SYN3: variants seen among roughly 807,000 people sequenced by gnomAD.
SYN3 encodes the protein synapsin-3.
A neutral mutation model predicts 65.8 loss-of-function variants in SYN3; 35 were observed. The observed-to-expected ratio is 0.53, with a 90% CI of 0.41 to 0.70. The LOEUF (loss-of-function observed/expected upper bound fraction) is 0.70. Ranked by LOEUF, SYN3 falls within the 30% of genes least tolerant of loss-of-function variation. The probability of loss-of-function intolerance (pLI) is 0.00; values close to 1 mark genes in which losing one functional copy is unlikely to be tolerated. For synonymous variants in SYN3, 270 were observed against 292.9 expected, an observed-to-expected ratio of 0.92 and a Z score of 0.80; for missense variants, 680 against 749.0, an observed-to-expected ratio of 0.91 and a Z score of 1.08.
chr22:32,942,422 C>T (rs552638889), intron 3 of SYN3, among the ~76,000 whole-genome samples: 3 of 152,338 alleles, frequency 2.0e-5, no homozygotes, highest in African/African-American at 7.2e-5. Context: ...ACAGAAAGGA[C>T]ATCCACAACA....
intron 7 of SYN3, among the ~76,000 whole-genome samples, chr22:32,542,521 C>T (rs11705368): frequency 0.14 from 20,855 of 146,176 alleles, 1,729 homozygotes; most frequent in African/African-American, 0.25. Flanking sequence ...GTGTAGTATG[C>T]GGTGCTTCTG....
intron 7 of SYN3, among the ~76,000 whole-genome samples, chr22:32,566,130 A>C (rs2058669377): frequency 6.6e-6 from 1 of 152,260 alleles, no homozygotes; most frequent in South Asian, 2.1e-4. Flanking sequence ...GGTGTGAGCC[A>C]CTGCACCTGG....
chr22:32,641,947 A>G (rs952709551), intron 6 of SYN3, among the ~76,000 whole-genome samples: 1 of 152,084 alleles, frequency 6.6e-6, no homozygotes, highest in Non-Finnish European at 1.5e-5. Flanking sequence ...GGAAACTCCC[A>G]TATTTCTAGA....
At chr22:33,032,804 C>T (rs550399387) in intron 1 of SYN3, among the ~76,000 whole-genome samples, 4 of 152,244 alleles carry the variant, frequency 2.6e-5, no homozygotes, top group African/African-American at 9.6e-5. Context: ...TTTGTAAGCA[C>T]CCCAACACCA....
At chr22:32,548,012 G>A (rs1484129115) in intron 7 of SYN3, among the ~76,000 whole-genome samples, 1 of 152,186 alleles carries the variant, frequency 6.6e-6, no homozygotes, top group Admixed American at 6.5e-5. Flanking sequence ...GTGTGCACAA[G>A]TCATTCTTTC....
At chr22:32,653,524 G>T (rs2060101820) in intron 6 of SYN3, among the ~76,000 whole-genome samples, 1 of 152,204 alleles carries the variant, frequency 6.6e-6, no homozygotes, top group Admixed American at 6.5e-5. Context: ...CAAACCCAGA[G>T]TCCTTTATGG....
intron 6 of SYN3, among the ~76,000 whole-genome samples, chr22:32,660,550 T>A (rs1198622522): frequency 1.3e-5 from 2 of 152,228 alleles, no homozygotes; most frequent in African/African-American, 4.8e-5. Flanking sequence ...TGGAAAGTTC[T>A]GGGGTTAAGG....
intron 6 of SYN3, among the ~76,000 whole-genome samples, chr22:32,735,987 G>A (rs2061332635): frequency 1.3e-5 from 2 of 152,230 alleles, no homozygotes; most frequent in South Asian, 4.1e-4. Flanking sequence ...TATTTGGTGG[G>A]GAGAGGAGGG....
At chr22:32,686,442 T>C (rs1262485666) in intron 6 of SYN3, among the ~76,000 whole-genome samples, 1 of 151,754 alleles carries the variant, frequency 6.6e-6, no homozygotes, top group Non-Finnish European at 1.5e-5. Flanking sequence ...TATGGGGATT[T>C]ACCACACTGA....
intron 6 of SYN3, among the ~76,000 whole-genome samples, chr22:32,747,472 G>A (rs1013387996): frequency 6.6e-6 from 1 of 152,134 alleles, no homozygotes; most frequent in African/African-American, 2.4e-5. Flanking sequence ...TGGGACACCG[G>A]TAAAGTGCTT....
At chr22:32,683,988 T>C (rs2060557306) in intron 6 of SYN3, among the ~76,000 whole-genome samples, 1 of 152,190 alleles carries the variant, frequency 6.6e-6, no homozygotes. Context: ...TTTTGCTGCA[T>C]TCGTGGACTT....
chr22:32,636,215 C>T (rs982131422), intron 6 of SYN3, among the ~76,000 whole-genome samples: 1 of 151,944 alleles, frequency 6.6e-6, no homozygotes, highest in Non-Finnish European at 1.5e-5. Flanking sequence ...TCCTGGCTAA[C>T]ACAGTGAAAC....
chr22:32,519,318 T>TG (rs2057835586), intron 12 of SYN3: 1 of 152,008 alleles, frequency 6.6e-6, no homozygotes, highest in African/African-American at 2.4e-5. Context: ...CTCTTTTTTT[T>TG]TTTCTCACGG....
intron 6 of SYN3, among the ~76,000 whole-genome samples, chr22:32,797,413 G>A (rs1409510505): frequency 2.6e-5 from 4 of 152,192 alleles, no homozygotes; most frequent in African/African-American, 9.6e-5. Flanking sequence ...GATACAGGGT[G>A]TTGTGGGGAT....
chr22:32,762,250 C>T (rs772209906), intron 6 of SYN3, among the ~76,000 whole-genome samples: 7 of 152,030 alleles, frequency 4.6e-5, no homozygotes, highest in South Asian at 2.1e-4. Flanking sequence ...CCTGTCCATG[C>T]GTCCTTCCCC....
At position 32,642,601 on chromosome 22, in the gene SYN3, T is replaced by C. The variant is rs895027007; in HGVS notation, c.712-45865A>G. Among the ~76,000 whole-genome samples, 523 of 151,946 alleles carry C rather than the reference T, an allele frequency of 3.4e-3. 2 individuals carry two copies. Among genetic ancestry groups the C allele is most frequent in the Admixed American group, 9.2e-3 (141 of 15,270 alleles). On this transcript the variant is annotated intron_variant, in intron 6 of 13. Coordinates refer to ENST00000358763, the MANE Select transcript of SYN3 (RefSeq NM_003490.4). ...GGACTACAGGCGCCCCCACCACGCC[T>C]GGCTAATTTTTTGTATTTTTAGTCG...
chr22:33,035,058 C>T (rs1020819112), intron 1 of SYN3, among the ~76,000 whole-genome samples: 7 of 152,034 alleles, frequency 4.6e-5, no homozygotes, highest in African/African-American at 1.7e-4. Context: ...GGGACACGTT[C>T]CCCATTTGTA....
intron 1 of SYN3, among the ~76,000 whole-genome samples, chr22:33,026,313 A>G (rs928424248): frequency 6.6e-6 from 1 of 151,990 alleles, no homozygotes; most frequent in African/African-American, 2.4e-5. Context: ...GGTTTTCTCC[A>G]TTTTCTGGGA....
At chr22:32,672,649 CA>C (rs2060386806) in intron 6 of SYN3, among the ~76,000 whole-genome samples, 4 of 152,224 alleles carry the variant, frequency 2.6e-5, no homozygotes, top group Non-Finnish European at 5.9e-5. Context: ...AGCACAAAGC[CA>C]CGCTGTCTTG....
Sources: allele counts gnomAD v4.1 joint callset (sites outside exome capture counted in the v4.1 genomes callset), GRCh38; gene constraint gnomAD v4.1.1; transcripts MANE v1.5; gene names NCBI Gene and HGNC (gene_info 2026-07-23, HGNC 2026-07-21).